Variants in GABRB3 observed in about 807,000 individuals in gnomAD.
GABRB3 encodes the protein gamma-aminobutyric acid type A receptor subunit beta3.
In GABRB3, 14 loss-of-function variants were observed where a neutral mutation model predicts 52.1. The observed-to-expected ratio is 0.27, with a 90% CI of 0.18 to 0.42. GABRB3 has a LOEUF of 0.42. Ranked by LOEUF, GABRB3 falls within the 10% of genes least tolerant of loss-of-function variation. GABRB3 has a pLI of 1.00. For synonymous variants in GABRB3, 260 were observed against 232.3 expected (o/e 1.12, Z -1.08); for missense variants, 307 against 609.1 (o/e 0.50, Z 5.22).
At chr15:26,757,634 T>C (rs1015144011) in intron 3 of GABRB3, among the ~76,000 whole-genome samples, 1 of 152,306 alleles carries the variant, frequency 6.6e-6, no homozygotes, top group African/African-American at 2.4e-5. Flanking sequence ...AGTACAAGAA[T>C]ACACTAATCA....
chr15:26,702,467 G>C (rs1595539229), intron 3 of GABRB3, among the ~76,000 whole-genome samples: 1 of 152,264 alleles, frequency 6.6e-6, no homozygotes, highest in Non-Finnish European at 1.5e-5. Context: ...CACATGAACA[G>C]GTGTTCAACA....
In GABRB3 at chr15:26,547,615, C is replaced by A; in HGVS notation, c.*178G>T. 1.6e-6 allele frequency: 1 copy of A among 625,336 alleles called. No homozygotes were observed. Among genetic ancestry groups the A allele is most frequent in the South Asian group, 1.9e-5 (1 of 52,522 alleles). The allele number at this position is 625,336 out of a possible 1,614,324, so 38.7% of individuals were successfully genotyped here. Reference sequence around the variant, plus strand: ...GTATAAACATATACACATACATCCTCATATACACGTGTATTTTATATATAT... The same window carrying A: ...GTATAAACATATACACATACATCCTAATATACACGTGTATTTTATATATAT... On this transcript the variant is annotated 3_prime_UTR_variant, in exon 9 of 9. Transcript: ENST00000311550.
chr15:26,730,405 G>A (rs564801324), intron 3 of GABRB3, among the ~76,000 whole-genome samples: 1 of 126,886 alleles, frequency 7.9e-6, no homozygotes, highest in African/African-American at 3.1e-5. Flanking sequence ...GCGACAGAGC[G>A]AGACTCCGTC....
At chr15:26,747,201 T>C (rs1450944720) in intron 3 of GABRB3, among the ~76,000 whole-genome samples, 1 of 152,214 alleles carries the variant, frequency 6.6e-6, no homozygotes, top group Non-Finnish European at 1.5e-5. Flanking sequence ...CAGACTTCAG[T>C]ATAAATCCCC....
chr15:26,587,172 T>TC (rs1478073898), intron 4 of GABRB3, among the ~76,000 whole-genome samples: 4 of 152,146 alleles, frequency 2.6e-5, no homozygotes, highest in Non-Finnish European at 4.4e-5. Flanking sequence ...GCCACGCAAC[T>TC]CCCTCTTCAC....
At chr15:26,649,161 A>T (rs564085221) in intron 3 of GABRB3, among the ~76,000 whole-genome samples, 2 of 152,296 alleles carry the variant, frequency 1.3e-5, no homozygotes, top group South Asian at 2.1e-4. Context: ...CAAAATTAAT[A>T]TGCTGAAGCC....
chr15:26,554,648 G>A (rs189003920), intron 8 of GABRB3, among the ~76,000 whole-genome samples: 2 of 152,280 alleles, frequency 1.3e-5, no homozygotes, highest in East Asian at 1.9e-4. Flanking sequence ...TTCATGGACA[G>A]ATGTTACAAG....
chr15:26,624,222 G>C, intron 3 of GABRB3: 5 of 985,660 alleles, frequency 5.1e-6, no homozygotes, highest in Non-Finnish European at 6.0e-6. Context: ...CGCTGGTGTG[G>C]GCGGTGCGCT....
chr15:26,713,868 GA>G (rs1029979299), intron 3 of GABRB3, among the ~76,000 whole-genome samples: 1 of 152,198 alleles, frequency 6.6e-6, no homozygotes, highest in African/African-American at 2.4e-5. Context: ...AGAGACCCAA[GA>G]AGGAAGCAAA....
chr15:26,700,874 T>C (rs1888907953), intron 3 of GABRB3, among the ~76,000 whole-genome samples: 1 of 152,160 alleles, frequency 6.6e-6, no homozygotes, highest in African/African-American at 2.4e-5. Context: ...GCTAACAGGG[T>C]GAAACCCCGT....
chr15:26,731,635 T>C (rs2162241), intron 3 of GABRB3, among the ~76,000 whole-genome samples: 95,529 of 152,000 alleles, frequency 0.63, 30,422 homozygotes, highest in East Asian at 0.89. Flanking sequence ...CTTCCCTCCC[T>C]GCCATATTCA....
At chr15:26,757,785 A>G (rs771757018) in intron 3 of GABRB3, among the ~76,000 whole-genome samples, 1 of 152,218 alleles carries the variant, frequency 6.6e-6, no homozygotes, top group African/African-American at 2.4e-5. Flanking sequence ...CTGTCAACCT[A>G]CAAAATGCAA....
At position 26,682,270 on chromosome 15, in the gene GABRB3, C is replaced by A. The variant is rs1030888183; in HGVS notation, c.241-60736G>T. On this transcript the variant is annotated intron_variant, in intron 3 of 8. Transcript: ENST00000311550. ...GCTGCATGGAATCCTGGGATGAGCG[C>A]TTCAATACCTTCCTCCCTCTCCCAC... is the stretch of plus-strand genomic sequence containing the variant. Among the ~76,000 whole-genome samples, 9 of 152,164 alleles carry A rather than the reference C, an allele frequency of 5.9e-5. No homozygotes were observed. In the South Asian group the frequency reaches 8.3e-4, roughly 14 times the overall value.
At chr15:26,596,346 C>T (rs568308520) in intron 4 of GABRB3, among the ~76,000 whole-genome samples, 1 of 152,166 alleles carries the variant, frequency 6.6e-6, no homozygotes, top group South Asian at 2.1e-4. Context: ...AAGCAATGTA[C>T]ATGTGCATGC....
intron 4 of GABRB3, among the ~76,000 whole-genome samples, chr15:26,588,069 G>T (rs1388037382): frequency 6.6e-6 from 1 of 152,110 alleles, no homozygotes; most frequent in Admixed American, 6.6e-5. Flanking sequence ...TGACTACGAG[G>T]TATGTTTCTG....
chr15:26,659,957 C>T (rs1220990389), intron 3 of GABRB3, among the ~76,000 whole-genome samples: 4 of 152,122 alleles, frequency 2.6e-5, no homozygotes, highest in East Asian at 1.9e-4. Context: ...TGAGGCTGGG[C>T]GTGGTGGTTC....
chr15:26,768,131 C>T (rs1418502340), intron 3 of GABRB3, among the ~76,000 whole-genome samples: 1 of 151,946 alleles, frequency 6.6e-6, no homozygotes, highest in Non-Finnish European at 1.5e-5. Context: ...TTGTATGTTA[C>T]CCAAAAGGAA....
intron 4 of GABRB3, among the ~76,000 whole-genome samples, chr15:26,590,446 C>T (rs1485958531): frequency 6.6e-6 from 1 of 152,192 alleles, no homozygotes; most frequent in African/African-American, 2.4e-5. Flanking sequence ...AACTCACTCT[C>T]ATCTTCATTC....
At chr15:26,756,352 G>C (rs1404656577) in intron 3 of GABRB3, among the ~76,000 whole-genome samples, 1 of 150,994 alleles carries the variant, frequency 6.6e-6, no homozygotes, top group Non-Finnish European at 1.5e-5. Flanking sequence ...GGTGGATCAC[G>C]AGCCCAGGAG....
Sources: allele counts gnomAD v4.1 joint callset (sites outside exome capture counted in the v4.1 genomes callset), GRCh38; gene constraint gnomAD v4.1.1; transcripts MANE v1.5; gene names NCBI Gene and HGNC (gene_info 2026-07-23, HGNC 2026-07-21).